JADE1: variants seen among roughly 807,000 people sequenced by gnomAD.
The protein encoded by JADE1 is protein Jade-1.
Under a neutral mutation model 81.8 loss-of-function variants are expected in JADE1, and 14 were observed. The observed-to-expected ratio is 0.17, with a 90% CI of 0.11 to 0.27. The LOEUF (loss-of-function observed/expected upper bound fraction) is 0.27, where lower values mean the gene tolerates loss of function less well. Ranked by LOEUF, JADE1 falls within the 10% of genes least tolerant of loss-of-function variation. JADE1 has a pLI of 1.00. For missense variants in JADE1, 690 were observed against 1,047.9 expected (o/e 0.66, Z 4.71); for synonymous variants, 353 against 391.9 (o/e 0.90, Z 1.17).
At chr4:128,824,190 G>A (rs377048166) in intron 1 of JADE1, among the ~76,000 whole-genome samples, 1 of 152,070 alleles carries the variant, frequency 6.6e-6, no homozygotes, top group East Asian at 1.9e-4. Context: ...AGGCCGAGGC[G>A]GGCGGATCAT....
At chr4:128,828,443 A>T (rs1327997826) in intron 1 of JADE1, among the ~76,000 whole-genome samples, 2 of 152,118 alleles carry the variant, frequency 1.3e-5, no homozygotes, top group Admixed American at 1.3e-4. Flanking sequence ...AATCAGCTTG[A>T]TGTCAAGGTT....
At chr4:128,854,117 C>T (rs938454334) in intron 6 of JADE1, among the ~76,000 whole-genome samples, 29 of 151,970 alleles carry the variant, frequency 1.9e-4, no homozygotes, top group African/African-American at 6.5e-4. Flanking sequence ...TGAGTAAAAG[C>T]TTTCTGCTTG....
chr4:128,864,233 C>T (rs910222475), intron 9 of JADE1: 26 of 598,902 alleles, frequency 4.3e-5, no homozygotes, highest in South Asian at 7.3e-5. Flanking sequence ...CTGCAGCCTC[C>T]GCCTCCCGGG....
At chr4:128,863,434 T>C in intron 9 of JADE1, 2 of 984,144 alleles carry the variant, frequency 2.0e-6, no homozygotes, top group Non-Finnish European at 2.4e-6. Context: ...TGGGAAACAC[T>C]GGACCAAAAA....
At chr4:128,834,511 C>T (rs999889971) in intron 2 of JADE1, among the ~76,000 whole-genome samples, 3 of 151,072 alleles carry the variant, frequency 2.0e-5, no homozygotes, top group Non-Finnish European at 4.4e-5. Context: ...CCATAAAAGC[C>T]CTAGAAGACC....
intron 9 of JADE1, chr4:128,863,338 G>A (rs926694613): frequency 6.0e-5 from 59 of 985,448 alleles, no homozygotes; most frequent in Non-Finnish European, 6.9e-5. Context: ...TCATTAGTGT[G>A]AAAGAGGTGG....
chr4:128,844,936 C>T lies in JADE1; in HGVS notation c.139-1439C>T, dbSNP rs148232891. Among the ~76,000 whole-genome samples, 33 of 152,240 alleles carry T rather than the reference C, an allele frequency of 2.2e-4. No homozygotes were observed. In the East Asian group the frequency reaches 4.8e-3, roughly 22 times the overall value. Reference sequence around the variant, plus strand: ...AGCCACCAGGAAAAACAAATATGGACCTATTAGCAGGCGTATGATGTGAAC... The same window carrying T: ...AGCCACCAGGAAAAACAAATATGGATCTATTAGCAGGCGTATGATGTGAAC... On this transcript the variant is annotated intron_variant, in intron 3 of 10. Coordinates refer to ENST00000226319, the MANE Select transcript of JADE1 (RefSeq NM_199320.4).
rs1466041167 is a variant in JADE1 at position 128,871,412 on chromosome 4, C to A, written c.1679C>A (p.Pro560His). The A allele has an allele frequency of 6.2e-7, 1 of 1,614,050 alleles. No individual in the cohort carries two copies. Among genetic ancestry groups the A allele is most frequent in the African/African-American group, 1.3e-5 (1 of 74,928 alleles). The change falls in exon 11 of 11, where the codon CCT becomes CAT. Residue 560 changes from proline (P) to histidine (H), a missense_variant. Physicochemically the swap from Pro to His is moderately conservative, Grantham distance 77 (BLOSUM62 -2). This residue lies in a region of JADE1 where 86 missense variants were observed against 95.4 expected (regional missense o/e 0.90). Transcript: ENST00000226319. This position sits in a 1 kb window ranked among gnomAD's most constrained non-coding sequence, Gnocchi z 4.1. ...GAAAACATGCTTTTGTTTAACAGTC[C>A]TTCTGTTGGCCCTGATGCTCCCAAG... ...SLENMLLFNS[P>H]SVGPDAPKIE...
At chr4:128,813,210 GA>G (rs1019642536) in intron 1 of JADE1, among the ~76,000 whole-genome samples, 17 of 152,292 alleles carry the variant, frequency 1.1e-4, no homozygotes, top group African/African-American at 3.9e-4. Flanking sequence ...GAGAAAGGTG[GA>G]GAAAGGAAGC....
At position 128,862,201 on chromosome 4, in the gene JADE1, G is replaced by A. The variant is rs749337600; in HGVS notation, c.1479G>A (p.Thr493=). The change falls in exon 9 of 11, where the codon ACG becomes ACA. Residue 493 remains threonine, a synonymous_variant. Coordinates refer to ENST00000226319, the MANE Select transcript of JADE1 (RefSeq NM_199320.4). ...TATTTAGGAGGCTGCAGCTGTTCAC[G>A]CACCTGCGGCAGGACCTGGAGAGGG... is the stretch of plus-strand genomic sequence containing the variant. ...DVLFRRLQLF[T]HLRQDLERVR... 3 of 1,614,180 alleles carry A rather than the reference G, an allele frequency of 1.9e-6. No homozygotes were observed. The highest frequency in any genetic ancestry group is 2.2e-5 in the South Asian group (2 of 91,086).
At chr4:128,830,851 A>T (rs930738035) in intron 1 of JADE1, among the ~76,000 whole-genome samples, 1 of 152,180 alleles carries the variant, frequency 6.6e-6, no homozygotes, top group Non-Finnish European at 1.5e-5. Context: ...CTGCCTTCTT[A>T]CCTAAATGCA....
intron 1 of JADE1, among the ~76,000 whole-genome samples, chr4:128,828,625 C>T (rs56401750): frequency 2.6e-5 from 4 of 152,206 alleles, no homozygotes; most frequent in Non-Finnish European, 4.4e-5. Context: ...TCTTCTTTTA[C>T]TTGAATAATT....
intron 2 of JADE1, among the ~76,000 whole-genome samples, chr4:128,835,568 G>C (rs1375465336): frequency 6.6e-6 from 1 of 152,134 alleles, no homozygotes; most frequent in Non-Finnish European, 1.5e-5. Flanking sequence ...TGGGTTAACT[G>C]CCCATACTCT....
At chr4:128,863,721 G>A (rs1731561388) in intron 9 of JADE1, 2 of 985,396 alleles carry the variant, frequency 2.0e-6, no homozygotes, top group East Asian at 1.1e-4. Context: ...ATGTATGTGT[G>A]GCATTTTTGT....
intron 5 of JADE1, among the ~76,000 whole-genome samples, chr4:128,849,380 G>A (rs1205415187): frequency 1.3e-5 from 2 of 152,078 alleles, no homozygotes; most frequent in Admixed American, 6.6e-5. Flanking sequence ...AAGGCTCCTC[G>A]GCTCAGGCAC....
chr4:128,853,287 A>G (rs552039965), intron 6 of JADE1, among the ~76,000 whole-genome samples: 1 of 152,294 alleles, frequency 6.6e-6, no homozygotes, highest in East Asian at 1.9e-4. Context: ...TTCTAAATCT[A>G]AAGAAGGTCA....
At chr4:128,812,201 G>T (rs868736133) in intron 1 of JADE1, among the ~76,000 whole-genome samples, 3 of 152,092 alleles carry the variant, frequency 2.0e-5, no homozygotes, top group Non-Finnish European at 4.4e-5. Context: ...GCTTGGTTGC[G>T]CCACGAGAAG....
At chr4:128,827,458 A>G (rs1728175984) in intron 1 of JADE1, among the ~76,000 whole-genome samples, 1 of 152,178 alleles carries the variant, frequency 6.6e-6, no homozygotes, top group Admixed American at 6.5e-5. Flanking sequence ...ATTAGCAGAG[A>G]ATGAGAACTG....
rs567987986 is a variant in JADE1, at chr4:128,863,608, G to A, written c.1503+1383G>A. 3.1e-5 allele frequency: 31 copies of A among 985,426 alleles called. No homozygotes were observed. The African/African-American group carries it at 4.5e-4, about 14-fold the overall frequency. 61.0% of individuals were successfully genotyped at this position (985,426 alleles called of 1,614,324 possible). A position where few individuals can be genotyped will look rare whatever the true frequency, so the allele number is the denominator to read the frequency against. ...GATTCCTGGGAAGGCCGCGGATTCCGGCCCTGGAAGAGGCAGGATCCTGGA... is the reference window on the plus strand; with the variant it reads ...GATTCCTGGGAAGGCCGCGGATTCCAGCCCTGGAAGAGGCAGGATCCTGGA... On this transcript the variant is annotated intron_variant, in intron 9 of 10. Coordinates refer to ENST00000226319, the MANE Select transcript of JADE1 (RefSeq NM_199320.4).
Sources: gnomAD v4.1 joint callset for allele counts (sites outside exome capture counted in the v4.1 genomes callset) on GRCh38, gnomAD v4.1.1 for gene constraint, gnomAD v4.1.1 regional missense constraint, Gnocchi (gnomAD v3.1) non-coding constraint, MANE v1.5 for transcripts, NCBI Gene and HGNC (gene_info 2026-07-23, HGNC 2026-07-21) for gene names.